SOX13: variants seen among roughly 807,000 people sequenced by gnomAD.
The protein encoded by SOX13 is SRY-box transcription factor 13, also known as transcription factor SOX-13.
In SOX13, 28 loss-of-function variants were observed where a neutral mutation model predicts 71.8. That is an observed-to-expected ratio of 0.39 (90% CI 0.29 to 0.53). SOX13 has a LOEUF of 0.53. Ranked by LOEUF, SOX13 falls within the 20% of genes least tolerant of loss-of-function variation. The pLI, the probability that SOX13 is intolerant of heterozygous loss-of-function variation, is 0.70. For missense variants in SOX13, 627 were observed against 810.3 expected, an observed-to-expected ratio of 0.77 and a Z score of 2.75; for synonymous variants, 309 against 317.8, an observed-to-expected ratio of 0.97 and a Z score of 0.29.
At chr1:204,095,736 A>C (rs1471654773) in intron 1 of SOX13, among the ~76,000 whole-genome samples, 1 of 152,186 alleles carries the variant, frequency 6.6e-6, no homozygotes, top group Non-Finnish European at 1.5e-5. Context: ...AAGTCCATTC[A>C]CATTGTTTTG....
In SOX13 at chr1:204,123,929, G is replaced by T; in HGVS notation, c.1375+125G>T. The T allele has an allele frequency of 7.1e-6, 8 of 1,127,324 alleles. No homozygotes were observed. Among genetic ancestry groups the T allele is most frequent in the Non-Finnish European group, 1.0e-5 (8 of 795,920 alleles). The allele number at this position is 1,127,324 out of a possible 1,614,324, so 69.8% of individuals were successfully genotyped here. A position where few individuals can be genotyped will look rare whatever the true frequency, so the allele number is the denominator to read the frequency against. ...GACTCCAGTGGAATCTGACGACAGG[G>T]GTGCAGGAGTTGCTGGGGATGTGAG... On this transcript the variant is annotated intron_variant, in intron 12 of 13. Coordinates refer to ENST00000367204, the MANE Select transcript of SOX13 (RefSeq NM_005686.3). The surrounding 1 kb of genome is among the most constrained non-coding windows in gnomAD (Gnocchi z 5.0).
At chr1:204,096,507 C>T (rs1351125457) in intron 1 of SOX13, among the ~76,000 whole-genome samples, 4 of 151,812 alleles carry the variant, frequency 2.6e-5, no homozygotes, top group Non-Finnish European at 4.4e-5. Context: ...GCCTCCATCT[C>T]GTGGGCTCAA....
chr1:204,116,370 T>G, intron 4 of SOX13, 137 bp from the exon 5 acceptor site: 1 of 1,570,624 alleles, frequency 6.4e-7, no homozygotes, highest in South Asian at 1.2e-5. Context: ...TGTGTCATCA[T>G]CTCTGTGGCT....
intron 1 of SOX13, among the ~76,000 whole-genome samples, chr1:204,107,167 A>G (rs545125336): frequency 1.3e-5 from 2 of 152,334 alleles, no homozygotes; most frequent in African/African-American, 4.8e-5. Context: ...TCTGATCTTC[A>G]TGGACACCAG....
chr1:204,096,238 C>CCTTTTT (rs1491344524), intron 1 of SOX13, among the ~76,000 whole-genome samples: 3 of 61,244 alleles, frequency 4.9e-5, no homozygotes, highest in Non-Finnish European at 6.5e-5. Flanking sequence ...TTCTTTCTTT[C>CCTTTTT]GTTTTTTTTT....
chr1:204,088,410 A>C (rs1656068865), intron 1 of SOX13, among the ~76,000 whole-genome samples: 1 of 152,244 alleles, frequency 6.6e-6, no homozygotes, highest in Non-Finnish European at 1.5e-5. Context: ...CAGAAAGAGC[A>C]GCAGGGACAC....
chr1:204,121,807 A>G (rs1656810703), intron 7 of SOX13, 93 bp from the exon 8 acceptor site: 1 of 877,006 alleles, frequency 1.1e-6, no homozygotes, highest in Non-Finnish European at 1.9e-6. Context: ...GTGCCGAGCC[A>G]TTGCCCATCT....
At chr1:204,088,129 T>A in intron 1 of SOX13, among the ~76,000 whole-genome samples, 1 of 152,350 alleles carries the variant, frequency 6.6e-6, no homozygotes. Context: ...ATCCTGAGAC[T>A]GGATCTGGAA....
intron 1 of SOX13, among the ~76,000 whole-genome samples, chr1:204,084,594 G>C (rs953237055): frequency 3.9e-5 from 6 of 152,122 alleles, no homozygotes; most frequent in East Asian, 1.9e-4. Flanking sequence ...AGGCTCAGCC[G>C]GGAGGGAGGC....
rs1656856881 is a variant in SOX13 at position 204,123,602 on chromosome 1, C to T, written c.1232-59C>T. Reference sequence around the variant, plus strand: ...AGTAGGGGACGTCTCTCTGCTGGCCCTGGGGCACTCTCCTGACCCCAGACA... The same window carrying T: ...AGTAGGGGACGTCTCTCTGCTGGCCTTGGGGCACTCTCCTGACCCCAGACA... On this transcript the variant is annotated intron_variant, in intron 11 of 13. Transcript: ENST00000367204. This position sits in a 1 kb window ranked among gnomAD's most constrained non-coding sequence, Gnocchi z 5.0. 2 of 1,576,186 alleles carry T rather than the reference C, an allele frequency of 1.3e-6. No individual in the cohort carries two copies. The highest frequency in any genetic ancestry group is 1.7e-6 in the Non-Finnish European group (2 of 1,157,670).
At chr1:204,080,467 TGCCTGCCAAGCCTGGAGCTCCCTGG>T (rs1294911028) in intron 1 of SOX13, among the ~76,000 whole-genome samples, 16 of 152,160 alleles carry the variant, frequency 1.1e-4, no homozygotes, top group Admixed American at 6.5e-5. Context: ...TCGTAATCCC[TGCCTGCCAAGCCTGGAGCTCCCTGG>T]GGGATCCGCC....
At chr1:204,114,471 C>A in intron 3 of SOX13, 39 bp downstream of exon 3, 1 of 1,603,290 alleles carries the variant, frequency 6.2e-7, no homozygotes, top group Non-Finnish European at 8.5e-7. Context: ...AGGCCTGAGG[C>A]AGGGAGGTGT....
intron 1 of SOX13, among the ~76,000 whole-genome samples, chr1:204,076,677 C>G (rs1230767476): frequency 6.6e-6 from 1 of 152,218 alleles, no homozygotes; most frequent in Non-Finnish European, 1.5e-5. Flanking sequence ...GGCTCCTGTC[C>G]TCCTTTCTCA....
intron 1 of SOX13, among the ~76,000 whole-genome samples, chr1:204,086,909 C>A (rs1468498712): frequency 7.5e-6 from 1 of 133,986 alleles, no homozygotes; most frequent in African/African-American, 2.9e-5. Flanking sequence ...AACAAGGAGA[C>A]AATGGTCTTT....
intron 1 of SOX13, among the ~76,000 whole-genome samples, chr1:204,101,808 C>G (rs566119894): frequency 9.9e-5 from 15 of 152,228 alleles, no homozygotes; most frequent in South Asian, 8.3e-4. Flanking sequence ...AATTTTCCAC[C>G]CTTCACCTCC....
chr1:204,119,622 C>T (rs554172856), intron 7 of SOX13: 1 of 152,334 alleles, frequency 6.6e-6, no homozygotes, highest in South Asian at 2.1e-4. Flanking sequence ...ATTTTCTTGT[C>T]ATATGCAAAA....
chr1:204,123,667 G>A lies in SOX13; in HGVS notation c.1238G>A (p.Arg413His), dbSNP rs755245124. 7 of 1,613,542 alleles carry A rather than the reference G, an allele frequency of 4.3e-6. No homozygotes were observed. Among genetic ancestry groups the A allele is most frequent in the Admixed American group, 1.7e-5 (1 of 59,968 alleles). ...AMLSCDMDGS[R>H]HFPESRNSSH... ...CTTCACTCCTGTCTCCCAGGCTCCC[G>A]CCACTTCCCCGAGTCCCGAAACAGC... The change falls in exon 12 of 14, where the codon CGC becomes CAC. Residue 413 changes from arginine (R) to histidine (H), a missense_variant. Around this residue, in one of 3 missense-constraint regions of SOX13, gnomAD observed 447 missense variants for 532.2 expected, o/e 0.84. Coordinates refer to ENST00000367204, the MANE Select transcript of SOX13 (RefSeq NM_005686.3). The surrounding 1 kb of genome is among the most constrained non-coding windows in gnomAD (Gnocchi z 5.0).
At chr1:204,100,301 C>G (rs1162899942) in intron 1 of SOX13, among the ~76,000 whole-genome samples, 1 of 152,158 alleles carries the variant, frequency 6.6e-6, no homozygotes, top group Non-Finnish European at 1.5e-5. Flanking sequence ...TGAATGTCAC[C>G]ATTATTCATT....
Position 204,124,750 on chromosome 1 carries a change from G to A in SOX13, c.1485G>A (p.Pro495=), listed in dbSNP as rs768215298. 1.9e-5 allele frequency: 30 copies of A among 1,609,726 alleles called. No individual in the cohort carries two copies. Among genetic ancestry groups the A allele is most frequent in the Admixed American group, 5.0e-5 (3 of 59,450 alleles). The change falls in exon 13 of 14, where the codon CCG becomes CCA. Residue 495 remains proline (P), a synonymous_variant. Transcript: ENST00000367204. ...LEKYPDYKYK[P]RPKRTCIVEG... ...AGTATCCTGACTACAAGTACAAGCCGCGGCCCAAGCGCACCTGCATCGTGG... is the reference window on the plus strand; with the variant it reads ...AGTATCCTGACTACAAGTACAAGCCACGGCCCAAGCGCACCTGCATCGTGG...
Sources: gnomAD v4.1 joint callset for allele counts (sites outside exome capture counted in the v4.1 genomes callset) on GRCh38, gnomAD v4.1.1 for gene constraint, gnomAD v4.1.1 regional missense constraint, Gnocchi (gnomAD v3.1) non-coding constraint, MANE v1.5 for transcripts, NCBI Gene and HGNC (gene_info 2026-07-23, HGNC 2026-07-21) for gene names.